Variants in ATP2C2 observed in about 807,000 individuals in gnomAD.
ATP2C2 encodes calcium-transporting ATPase type 2C member 2.
A neutral mutation model predicts 110.8 loss-of-function variants in ATP2C2; 171 were observed. The ratio of observed to expected loss-of-function variants is 1.54; its 90% confidence interval spans 1.36 to 1.75. The LOEUF is 1.75. Ranked by LOEUF, ATP2C2 falls within the 40% of genes most tolerant of loss-of-function variation. The pLI is 0.00. For missense variants in ATP2C2, 1,963 were observed against 1,235.0 expected (o/e 1.59, Z -8.84); for synonymous variants, 804 against 508.4 (o/e 1.58, Z -7.82).
chr16:84,395,212 T>C (rs756018992), intron 1 of ATP2C2, among the ~76,000 whole-genome samples: 2 of 152,002 alleles, frequency 1.3e-5, no homozygotes, highest in African/African-American at 2.4e-5. Flanking sequence ...TCCTTTGGGC[T>C]CTGGACTCTG....
chr16:84,409,902 C>G (rs1906118327), intron 4 of ATP2C2, among the ~76,000 whole-genome samples: 1 of 152,144 alleles, frequency 6.6e-6, no homozygotes, highest in South Asian at 2.1e-4. Flanking sequence ...ATGGAATTTC[C>G]TACTTCCAAT....
chr16:84,459,094 G>T lies in ATP2C2; in HGVS notation c.2148-26G>T, dbSNP rs753534697. 4.3e-6 allele frequency: 7 copies of T among 1,613,792 alleles called. No homozygotes were observed. The Admixed American group carries it at 8.3e-5, about 19-fold the overall frequency. ...CAGCCCTCACGCAGGCCCGCTCCGT[G>T]AGTAAATGGCTCTCTTCTCTTGCAG... is the stretch of plus-strand genomic sequence containing the variant. On this transcript the variant is annotated intron_variant, in intron 21 of 26. Coordinates refer to ENST00000262429, the MANE Select transcript of ATP2C2 (RefSeq NM_014861.4).
chr16:84,401,222 C>CTTTT lies in ATP2C2; in HGVS notation c.210+2629_210+2632dup, dbSNP rs55635029. The stretch of plus-strand genomic sequence containing the variant: ...GTGATCTTAGATTGAAGTCTTTAAT[C>CTTTT]TTTTTTTTTTTTTTTTTTTGAGACA... On this transcript the variant is annotated intron_variant, in intron 2 of 26. Transcript: ENST00000262429. Among the ~76,000 whole-genome samples the CTTTT allele has an allele frequency of 1.4e-3, 171 of 121,492 alleles. 1 individual carries two copies. The highest frequency in any genetic ancestry group is 1.7e-3 in the Non-Finnish European group (104 of 61,196). The allele number at this position is 121,492 out of a possible 152,430, so 79.7% of individuals were successfully genotyped here.
chr16:84,452,440 A>G (rs1178356168), intron 18 of ATP2C2, among the ~76,000 whole-genome samples: 1 of 141,438 alleles, frequency 7.1e-6, no homozygotes, highest in Non-Finnish European at 1.5e-5. Flanking sequence ...CCATTGAACC[A>G]CTCTGACCCT....
chr16:84,402,831 C>G (rs546845225), intron 2 of ATP2C2, among the ~76,000 whole-genome samples: 1 of 152,142 alleles, frequency 6.6e-6, no homozygotes. Flanking sequence ...CCCTACTCAT[C>G]TGTTTTTTGG....
chr16:84,451,834 C>T lies in ATP2C2; in HGVS notation c.1661-87C>T, dbSNP rs1166467500. 3.0e-6 allele frequency: 4 copies of T among 1,350,456 alleles called. No homozygotes were observed. In the Admixed American group the frequency reaches 6.6e-5, roughly 22 times the overall value. 83.7% of individuals were successfully genotyped at this position (1,350,456 alleles called of 1,614,324 possible). On this transcript the variant is annotated intron_variant, in intron 17 of 26. Coordinates refer to ENST00000262429, the MANE Select transcript of ATP2C2 (RefSeq NM_014861.4). ...ACCTGGGCGATAAGAACAAAACTCT[C>T]TTAAAAAACAACAACAACAACCAAC...
chr16:84,372,119 G>C (rs892995398), intron 1 of ATP2C2, among the ~76,000 whole-genome samples: 1 of 152,184 alleles, frequency 6.6e-6, no homozygotes, highest in African/African-American at 2.4e-5. Context: ...GAGGAGGGTC[G>C]TACGGAGCCT....
chr16:84,439,574 G>A (rs762786953), intron 13 of ATP2C2, 50 bp downstream of exon 13: 1 of 1,543,856 alleles, frequency 6.5e-7, no homozygotes, highest in East Asian at 2.3e-5. Flanking sequence ...CAGCCAGGCT[G>A]TCTCCTTTCT....
At chr16:84,440,535 G>GGCTA (rs1388337757) in intron 13 of ATP2C2, among the ~76,000 whole-genome samples, 1 of 152,190 alleles carries the variant, frequency 6.6e-6, no homozygotes, top group African/African-American at 2.4e-5. Flanking sequence ...GGGCTGCAAA[G>GGCTA]GCTAACACGT....
At chr16:84,459,447 G>C (rs1422627014) in intron 23 of ATP2C2, 61 bp downstream of exon 23, 4 of 1,604,600 alleles carry the variant, frequency 2.5e-6, no homozygotes, top group Non-Finnish European at 3.4e-6. Flanking sequence ...CTTCCTCCAG[G>C]GGCTGCTGGC....
At chr16:84,425,707 G>C in intron 10 of ATP2C2, 28 bp from the exon 11 acceptor site, 1 of 1,611,044 alleles carries the variant, frequency 6.2e-7, no homozygotes, top group Admixed American at 1.7e-5. Context: ...TGCATATGGA[G>C]ATAAGGATGT....
At position 84,459,173 on chromosome 16, in the gene ATP2C2, G is replaced by T. The variant is rs201731640; in HGVS notation, c.2201G>T (p.Arg734Leu). The change falls in exon 22 of 27, where the codon CGA (arginine) becomes CTA (leucine). Residue 734 changes from arginine to leucine, a missense_variant. By Grantham distance (102) the Arg-to-Leu change is moderately radical. Coordinates refer to ENST00000262429, the MANE Select transcript of ATP2C2 (RefSeq NM_014861.4). ...GIFYNIKNFV[R>L]FQLSTSISAL... ...TTTTACAACATCAAAAACTTTGTCC[G>T]ATTCCAGCTGAGCACGTAAGTAGAG... The T allele has an allele frequency of 1.9e-6, 3 of 1,614,054 alleles. No individual in the cohort carries two copies. Among genetic ancestry groups the T allele is most frequent in the African/African-American group, 2.7e-5 (2 of 74,928 alleles).
chr16:84,417,105 A>T (rs984005032), intron 7 of ATP2C2, among the ~76,000 whole-genome samples: 3 of 152,218 alleles, frequency 2.0e-5, no homozygotes, highest in African/African-American at 7.2e-5. Context: ...TGAGCAAGTT[A>T]GTTAACCTCT....
At position 84,442,552 on chromosome 16, in the gene ATP2C2, G is replaced by A. The variant is rs368311973; in HGVS notation, c.1354G>A (p.Val452Met). The part of the protein sequence containing the change: ...ANNAVIRKNA[V>M]MGQPTEGALM... ...CAATGCGGTCATCAGAAAGAACGCC[G>A]TGATGGGGCAGCCCACCGAGGGTGC... Residue 452 changes from valine to methionine, a missense_variant, in exon 15 of 27, where the codon GTG (valine) becomes ATG (methionine). Val to Met is a conservative substitution (Grantham distance 21). Transcript: ENST00000262429. 1.2e-5 allele frequency: 20 copies of A among 1,613,930 alleles called. No homozygotes were observed. In the African/African-American group the frequency reaches 1.5e-4, roughly 12 times the overall value.
At chr16:84,419,893 C>T (rs2150539770) in intron 7 of ATP2C2, among the ~76,000 whole-genome samples, 2 of 152,246 alleles carry the variant, frequency 1.3e-5, no homozygotes, top group East Asian at 3.9e-4. Flanking sequence ...CCTGGATTTC[C>T]CAAATGGGAG....
At chr16:84,416,044 T>C (rs920030601) in intron 7 of ATP2C2, among the ~76,000 whole-genome samples, 1 of 152,178 alleles carries the variant, frequency 6.6e-6, no homozygotes, top group Non-Finnish European at 1.5e-5. Context: ...CATGGTGGCA[T>C]GTGCCTGTAG....
At chr16:84,415,156 ACT>A (rs796119507) in intron 6 of ATP2C2, among the ~76,000 whole-genome samples, 16 of 151,590 alleles carry the variant, frequency 1.1e-4, no homozygotes, top group African/African-American at 3.6e-4. Flanking sequence ...TGAGGACAAA[ACT>A]CTGCCGGCTG....
intron 11 of ATP2C2, 22 bp from the exon 12 acceptor site, chr16:84,439,144 C>T: frequency 1.2e-6 from 2 of 1,611,870 alleles, no homozygotes; most frequent in South Asian, 1.1e-5. Context: ...TTAGAGGGGA[C>T]TCATTTGACC....
chr16:84,434,999 C>T (rs1246254988), intron 11 of ATP2C2, among the ~76,000 whole-genome samples: 2 of 152,244 alleles, frequency 1.3e-5, no homozygotes, highest in South Asian at 2.1e-4. Flanking sequence ...CTGGCTGTCA[C>T]TGTAGAAACC....
Sources: allele counts gnomAD v4.1 joint callset (sites outside exome capture counted in the v4.1 genomes callset), GRCh38; gene constraint gnomAD v4.1.1; transcripts MANE v1.5; gene names NCBI Gene and HGNC (gene_info 2026-07-23, HGNC 2026-07-21).